PXDNL: variants seen among roughly 807,000 people sequenced by gnomAD.
The protein encoded by PXDNL is probable oxidoreductase PXDNL.
A neutral mutation model predicts 150.8 loss-of-function variants in PXDNL; 145 were observed. The ratio of observed to expected loss-of-function variants is 0.96; its 90% CI spans 0.84 to 1.10. The LOEUF is 1.10. Ranked by LOEUF, PXDNL falls within the 50% of genes least tolerant of loss-of-function variation. The pLI is 0.00. For synonymous variants in PXDNL, 757 were observed against 725.7 expected (o/e 1.04, Z -0.69); for missense variants, 2,087 against 1,873.9 (o/e 1.11, Z -2.10).
In PXDNL at chr8:51,766,902, G is replaced by A. The variant is rs58885749; in HGVS notation, c.164+42279C>T. 2.2e-3 allele frequency among the ~76,000 whole-genome samples: 339 copies of A among 151,816 alleles called. 3 individuals carry two copies. The highest frequency in any genetic ancestry group is 7.6e-3 in the African/African-American group (315 of 41,348). On this transcript the variant is annotated intron_variant, in intron 1 of 22. Transcript: ENST00000356297. Reference sequence around the variant, plus strand: ...AATTATTTCTTTAAATATTCTTTCCGTCCCCTTCTCTCCCTCATCTCCTTT... The same window carrying A: ...AATTATTTCTTTAAATATTCTTTCCATCCCCTTCTCTCCCTCATCTCCTTT...
At chr8:51,643,400 C>G (rs1282589331) in intron 2 of PXDNL, among the ~76,000 whole-genome samples, 1 of 152,156 alleles carries the variant, frequency 6.6e-6, no homozygotes, top group Non-Finnish European at 1.5e-5. Flanking sequence ...ACATCTACAA[C>G]CATCTGATCT....
chr8:51,438,517 C>G (rs1809461921), intron 12 of PXDNL, among the ~76,000 whole-genome samples: 1 of 152,108 alleles, frequency 6.6e-6, no homozygotes, highest in South Asian at 2.1e-4. Flanking sequence ...AGATCGAGAC[C>G]ATCCTGGCTA....
At chr8:51,494,242 T>A (rs1018205272) in intron 5 of PXDNL, among the ~76,000 whole-genome samples, 7 of 152,130 alleles carry the variant, frequency 4.6e-5, no homozygotes, top group Admixed American at 1.3e-4. Flanking sequence ...AGAGACTTTG[T>A]CACCACCAGG....
intron 3 of PXDNL, among the ~76,000 whole-genome samples, chr8:51,590,109 A>G (rs1813411208): frequency 6.6e-6 from 1 of 152,208 alleles, no homozygotes; most frequent in Non-Finnish European, 1.5e-5. Flanking sequence ...CCTGTGTTCC[A>G]GCACAGTGCA....
chr8:51,797,788 T>C (rs1376820208), intron 1 of PXDNL, among the ~76,000 whole-genome samples: 1 of 152,144 alleles, frequency 6.6e-6, no homozygotes, highest in African/African-American at 2.4e-5. Flanking sequence ...CCCATTAAAC[T>C]ACCACTGACA....
At chr8:51,425,269 G>T (rs1809060749) in intron 13 of PXDNL, among the ~76,000 whole-genome samples, 1 of 152,128 alleles carries the variant, frequency 6.6e-6, no homozygotes, top group African/African-American at 2.4e-5. Context: ...TTCCAAACTT[G>T]TGAGCTGAAG....
intron 8 of PXDNL, among the ~76,000 whole-genome samples, chr8:51,468,019 T>TA (rs1461996345): frequency 6.6e-6 from 1 of 152,020 alleles, no homozygotes; most frequent in African/African-American, 2.4e-5. Flanking sequence ...GTTTAAATTG[T>TA]AATAAAAGAA....
At chr8:51,403,425 C>T (rs1275299453) in intron 17 of PXDNL, among the ~76,000 whole-genome samples, 2 of 152,178 alleles carry the variant, frequency 1.3e-5, no homozygotes, top group African/African-American at 4.8e-5. Flanking sequence ...CTCTGCTGTC[C>T]TCCCCTCTAA....
chr8:51,332,082 C>G (rs527905097), intron 21 of PXDNL, among the ~76,000 whole-genome samples: 1 of 152,184 alleles, frequency 6.6e-6, no homozygotes, highest in Non-Finnish European at 1.5e-5. Context: ...CCACTTCACC[C>G]TCTGCCACCT....
rs970426504 is a variant in PXDNL at position 51,785,597 on chromosome 8, T to C, written c.164+23584A>G. 1.1e-4 allele frequency among the ~76,000 whole-genome samples: 17 copies of C among 152,324 alleles called. 1 individual carries two copies. In the South Asian group the frequency reaches 2.7e-3, roughly 24 times the overall value. On this transcript the variant is annotated intron_variant, in intron 1 of 22. Transcript: ENST00000356297. Reference sequence around the variant, plus strand: ...TTCATTATTATTATATCTGTTATAGTGGTCTGTGTTCAGTGATCTTTGGTG... The same window carrying C: ...TTCATTATTATTATATCTGTTATAGCGGTCTGTGTTCAGTGATCTTTGGTG...
At chr8:51,573,631 A>G (rs1812990984) in intron 3 of PXDNL, among the ~76,000 whole-genome samples, 1 of 152,010 alleles carries the variant, frequency 6.6e-6, no homozygotes, top group East Asian at 1.9e-4. Context: ...TGGAAGCCAC[A>G]TGGGAAACCT....
At chr8:51,707,593 G>C (rs2976210) in intron 1 of PXDNL, among the ~76,000 whole-genome samples, 2 of 152,168 alleles carry the variant, frequency 1.3e-5, no homozygotes, top group Non-Finnish European at 2.9e-5. Context: ...GTTAACCGCA[G>C]ATACTGTTCT....
At chr8:51,743,245 TCTCA>T (rs1352574569) in intron 1 of PXDNL, among the ~76,000 whole-genome samples, 1 of 152,130 alleles carries the variant, frequency 6.6e-6, no homozygotes, top group Non-Finnish European at 1.5e-5. Context: ...TGAGACAGGG[TCTCA>T]CTCTGTCATC....
chr8:51,724,069 C>G (rs2130921716), intron 1 of PXDNL, among the ~76,000 whole-genome samples: 1 of 131,068 alleles, frequency 7.6e-6, no homozygotes, highest in Middle Eastern at 3.9e-3. Context: ...TGGCTATCGC[C>G]GGACCAGGGG....
At chr8:51,572,283 C>T (rs749502586) in intron 3 of PXDNL, among the ~76,000 whole-genome samples, 3 of 151,796 alleles carry the variant, frequency 2.0e-5, no homozygotes, top group African/African-American at 4.8e-5. Context: ...GTATTCATAG[C>T]AGCATAATTC....
intron 4 of PXDNL, among the ~76,000 whole-genome samples, chr8:51,516,398 G>A (rs548943529): frequency 5.9e-5 from 9 of 152,156 alleles, no homozygotes; most frequent in African/African-American, 1.2e-4. Context: ...AAGCCTGGGC[G>A]TCTGTGAGTA....
At chr8:51,460,090 A>C (rs1456196638) in intron 8 of PXDNL, among the ~76,000 whole-genome samples, 1 of 151,884 alleles carries the variant, frequency 6.6e-6, no homozygotes, top group Non-Finnish European at 1.5e-5. Flanking sequence ...TCTACAAAAA[A>C]AATCTAAAAA....
At chr8:51,674,413 G>T (rs989112899) in intron 1 of PXDNL, among the ~76,000 whole-genome samples, 4 of 152,220 alleles carry the variant, frequency 2.6e-5, no homozygotes, top group African/African-American at 9.6e-5. Context: ...AAAGGAGAAT[G>T]CCTGAAATAA....
chr8:51,675,593 G>A (rs1940481539), intron 1 of PXDNL, among the ~76,000 whole-genome samples: 1 of 151,944 alleles, frequency 6.6e-6, no homozygotes, highest in Non-Finnish European at 1.5e-5. Flanking sequence ...AGGAGTTCAA[G>A]ACCAGCCTGA....
Sources: allele counts gnomAD v4.1 joint callset (sites outside exome capture counted in the v4.1 genomes callset), GRCh38; gene constraint gnomAD v4.1.1; transcripts MANE v1.5; gene names NCBI Gene and HGNC (gene_info 2026-07-23, HGNC 2026-07-21).